The following ANKRD36 variants were observed in gnomAD, a reference collection of about 807,000 sequenced individuals.
ANKRD36 encodes ankyrin repeat domain-containing protein 36A.
In ANKRD36, 179 loss-of-function variants were observed where a neutral mutation model predicts 278.1. The ratio of observed to expected loss-of-function variants is 0.64; its 90% CI spans 0.57 to 0.73. The LOEUF (loss-of-function observed/expected upper bound fraction) is 0.73. ANKRD36 is among the 30% of genes least tolerant of loss of function. The pLI, the probability that ANKRD36 is intolerant of heterozygous loss-of-function variation, is 0.00. For missense variants in ANKRD36, 1,159 were observed against 1,956.7 expected (o/e 0.59, Z 7.69); for synonymous variants, 320 against 641.1 (o/e 0.50, Z 7.57).
chr2:97,262,567 C>G (rs1234638083), intron 75 of ANKRD36, among the ~76,000 whole-genome samples: 1 of 129,802 alleles, frequency 7.7e-6, no homozygotes, highest in Non-Finnish European at 1.5e-5. Flanking sequence ...AAGTTAAAGA[C>G]AAAAAGAGAG....
chr2:97,225,782 A>G (rs1015786674), intron 67 of ANKRD36, among the ~76,000 whole-genome samples: 3 of 59,588 alleles, frequency 5.0e-5, no homozygotes, highest in African/African-American at 1.8e-4. Flanking sequence ...CCCCTCCCCC[A>G]ACCCCACAAC....
chr2:97,191,101 C>T lies in ANKRD36; in HGVS notation c.2275-8C>T. On this transcript the variant is annotated splice_polypyrimidine_tract_variant and splice_region_variant and intron_variant, in intron 35 of 75. Transcript: ENST00000420699. ...TTTATTTATTACTTTCTTTCAAATT[C>T]CATTCAGGCTACAACTGATGAGAAA... 1 of 1,595,190 alleles carries T rather than the reference C, an allele frequency of 6.3e-7. No individual in the cohort carries two copies. Among genetic ancestry groups the T allele is most frequent in the East Asian group, 2.3e-5 (1 of 43,404 alleles).
At chr2:97,260,314 A>G (rs1290428129) in intron 75 of ANKRD36, among the ~76,000 whole-genome samples, 1 of 116,672 alleles carries the variant, frequency 8.6e-6, no homozygotes, top group African/African-American at 3.1e-5. Context: ...TTGGGTTATG[A>G]GTGCATTGTC....
At chr2:97,232,950 A>T (rs1383760510) in intron 67 of ANKRD36, among the ~76,000 whole-genome samples, 2 of 151,782 alleles carry the variant, frequency 1.3e-5, no homozygotes, top group Non-Finnish European at 2.9e-5. Flanking sequence ...CAATTTAGTG[A>T]TTCAAAAAGC....
chr2:97,135,431 C>T (rs1445542197), intron 6 of ANKRD36, among the ~76,000 whole-genome samples: 1 of 151,918 alleles, frequency 6.6e-6, no homozygotes, highest in Admixed American at 6.6e-5. Context: ...TAACAATATA[C>T]TGTAGTAAAA....
intron 50 of ANKRD36, among the ~76,000 whole-genome samples, chr2:97,204,807 A>T (rs1436050575): frequency 2.6e-5 from 4 of 151,508 alleles, no homozygotes; most frequent in African/African-American, 9.7e-5. Flanking sequence ...CTCACTTCAG[A>T]TGCATTTGGA....
In ANKRD36 at chr2:97,139,938, T is replaced by C. The variant is rs2443890; in HGVS notation, c.800-2702T>C. 2.4e-3 allele frequency among the ~76,000 whole-genome samples: 371 copies of C among 151,990 alleles called. 1 individual carries two copies. The highest frequency in any genetic ancestry group is 3.9e-3 in the Non-Finnish European group (264 of 67,962). On this transcript the variant is annotated intron_variant, in intron 6 of 75. Transcript: ENST00000420699. ...TTTGTTGATCCCTATAGAGTGTTCC[T>C]GGATGTCAAATGACAAATAGGCCCT...
At chr2:97,202,054 G>T (rs1393257298) in intron 46 of ANKRD36, 148 bp from the exon 47 acceptor site, 9 of 1,496,028 alleles carry the variant, frequency 6.0e-6, no homozygotes, top group South Asian at 4.0e-5. Flanking sequence ...TTTCTGTCAC[G>T]TTCTAGTCCC....
chr2:97,130,852 TTC>T (rs1313632981), intron 6 of ANKRD36, among the ~76,000 whole-genome samples: 1 of 152,108 alleles, frequency 6.6e-6, no homozygotes, highest in Non-Finnish European at 1.5e-5. Context: ...ATATATGATT[TTC>T]TTTTAAGAGA....
chr2:97,223,098 CTTTTTT>C (rs58708702), intron 66 of ANKRD36, among the ~76,000 whole-genome samples: 1 of 123,998 alleles, frequency 8.1e-6, no homozygotes, highest in Admixed American at 8.9e-5. Context: ...TTATTATACA[CTTTTTT>C]TTTTTTTTTT....
chr2:97,121,187 G>A (rs58821956), intron 3 of ANKRD36, among the ~76,000 whole-genome samples: 202 of 152,076 alleles, frequency 1.3e-3, no homozygotes, highest in African/African-American at 4.5e-3. Flanking sequence ...GAATTTAGAT[G>A]GTGGTGTTTT....
intron 58 of ANKRD36, chr2:97,212,651 A>T (rs2064971550): frequency 6.5e-6 from 1 of 153,722 alleles, no homozygotes; most frequent in Non-Finnish European, 1.4e-5. Context: ...TTGATTTCTG[A>T]ATGTAAAACT....
Position 97,156,099 on chromosome 2 carries a change from C to T in ANKRD36, c.1260+1358C>T, listed in dbSNP as rs993538869. On this transcript the variant is annotated intron_variant, in intron 15 of 75. Transcript: ENST00000420699. ...AAGGAAATAGGAAAGGCGGATACAG[C>T]GTGTTTTCTAATATCTTCCAACTGG... Among the ~76,000 whole-genome samples the T allele has an allele frequency of 2.1e-5, 3 of 146,160 alleles. 1 individual carries two copies. The highest frequency in any genetic ancestry group is 4.6e-5 in the Non-Finnish European group (3 of 64,762).
chr2:97,218,648 A>G (rs1337503264), intron 64 of ANKRD36, among the ~76,000 whole-genome samples: 1 of 152,082 alleles, frequency 6.6e-6, no homozygotes, highest in Non-Finnish European at 1.5e-5. Context: ...TTTATGTTAT[A>G]CTGGTATAAA....
intron 22 of ANKRD36, among the ~76,000 whole-genome samples, chr2:97,177,329 T>C (rs905845568): frequency 9.2e-5 from 14 of 151,812 alleles, no homozygotes; most frequent in African/African-American, 3.4e-4. Context: ...AAAAACTACT[T>C]TAAAGTTCAT....
chr2:97,192,144 T>G (rs1343130928), intron 36 of ANKRD36, among the ~76,000 whole-genome samples: 14 of 151,746 alleles, frequency 9.2e-5, no homozygotes, highest in Admixed American at 1.3e-4. Context: ...GTAGAATATG[T>G]CAAAATTGAT....
intron 67 of ANKRD36, among the ~76,000 whole-genome samples, chr2:97,226,753 T>G (rs2069815051): frequency 6.6e-6 from 1 of 151,488 alleles, no homozygotes; most frequent in Non-Finnish European, 1.5e-5. Context: ...GTTTTTATGG[T>G]TTTAGGTCTA....
intron 58 of ANKRD36, among the ~76,000 whole-genome samples, chr2:97,212,571 A>C (rs888388071): frequency 1.1e-4 from 17 of 152,048 alleles, no homozygotes; most frequent in Admixed American, 3.9e-4. Flanking sequence ...TCCAAAGAAG[A>C]CTTTTTAGAA....
At chr2:97,116,897 T>C (rs1282735011) in intron 1 of ANKRD36, among the ~76,000 whole-genome samples, 2 of 152,092 alleles carry the variant, frequency 1.3e-5, no homozygotes, top group Non-Finnish European at 2.9e-5. Flanking sequence ...TCATCAAGCA[T>C]AACCTGAATA....
Sources: gnomAD v4.1 joint callset for allele counts (sites outside exome capture counted in the v4.1 genomes callset) on GRCh38, gnomAD v4.1.1 for gene constraint, MANE v1.5 for transcripts, NCBI Gene and HGNC (gene_info 2026-07-23, HGNC 2026-07-21) for gene names.